CFAP20DC: variants seen among roughly 807,000 people sequenced by gnomAD.
CFAP20DC encodes the protein protein CFAP20DC.
In CFAP20DC, 84 loss-of-function variants were observed where a neutral mutation model predicts 101.7. The ratio of observed to expected loss-of-function variants is 0.83; its 90% CI spans 0.69 to 0.99. CFAP20DC has a LOEUF of 0.99. CFAP20DC is among the 50% of genes least tolerant of loss of function. CFAP20DC has a pLI of 0.00. For missense variants in CFAP20DC, 1,007 were observed against 970.3 expected, an observed-to-expected ratio of 1.04 and a Z score of -0.50; for synonymous variants, 359 against 351.2, an observed-to-expected ratio of 1.02 and a Z score of -0.25.
rs78164332 is a variant in CFAP20DC, at chr3:58,804,951, T to G, written c.2237+1444A>C. Among the ~76,000 whole-genome samples the G allele has an allele frequency of 7.5e-3, 1,146 of 152,288 alleles. 19 individuals are homozygous for G. Among genetic ancestry groups the G allele is most frequent in the African/African-American group, 0.026 (1,085 of 41,562 alleles). ...AAATAACCAGAGCAGGTGTACAGAA[T>G]AGAAACATTTAGAAGAGATTACTAG... On this transcript the variant is annotated intron_variant, in intron 15 of 16. Coordinates refer to ENST00000482387, the MANE Select transcript of CFAP20DC (RefSeq NM_001394063.1).
rs796474903 is a variant in CFAP20DC, at chr3:58,891,321, G to C, written c.551-6612C>G. Among the ~76,000 whole-genome samples the C allele has an allele frequency of 5.4e-3, 815 of 151,938 alleles. 6 individuals are homozygous for C. Among genetic ancestry groups the C allele is most frequent in the South Asian group, 0.018 (85 of 4,810 alleles). ...GGCAGGCACTCTGCAGGCTGAGGCA[G>C]GAGAATCAGGCAGGGAGGTTGCAGT... is the stretch of plus-strand genomic sequence containing the variant. On this transcript the variant is annotated intron_variant, in intron 6 of 16. Transcript: ENST00000482387.
chr3:58,988,963 GT>G (rs1054269337), intron 4 of CFAP20DC, among the ~76,000 whole-genome samples: 1 of 151,874 alleles, frequency 6.6e-6, no homozygotes, highest in African/African-American at 2.4e-5. Context: ...TACATTCTGT[GT>G]TTTTTTAAAA....
In CFAP20DC at chr3:59,007,672, G is replaced by A. The variant is rs945582769; in HGVS notation, c.278+31885C>T. On this transcript the variant is annotated intron_variant, in intron 4 of 16. Coordinates refer to ENST00000482387, the MANE Select transcript of CFAP20DC (RefSeq NM_001394063.1). This position sits in a 1 kb window ranked among gnomAD's most constrained non-coding sequence, Gnocchi z 4.4. ...TGGTATCATGGCTGGGAGACCTGAC[G>A]ACAGATCACATCACAGGACTCTTTG... Among the ~76,000 whole-genome samples, 1 of 152,170 alleles carries A rather than the reference G, an allele frequency of 6.6e-6. No individual in the cohort carries two copies. The highest frequency in any genetic ancestry group is 1.9e-4 in the East Asian group (1 of 5,190).
intron 15 of CFAP20DC, among the ~76,000 whole-genome samples, chr3:58,794,757 C>T (rs1374607897): frequency 6.6e-6 from 1 of 152,090 alleles, no homozygotes; most frequent in Non-Finnish European, 1.5e-5. Context: ...CTGAAGATGC[C>T]CACACACTGC....
chr3:58,890,767 C>T (rs1391760194), intron 6 of CFAP20DC, among the ~76,000 whole-genome samples: 6 of 149,184 alleles, frequency 4.0e-5, no homozygotes, highest in East Asian at 2.0e-4. Flanking sequence ...CGGGCAGAGG[C>T]GCTCCTCACA....
At chr3:58,930,663 C>T (rs574564566) in intron 5 of CFAP20DC, among the ~76,000 whole-genome samples, 1 of 152,308 alleles carries the variant, frequency 6.6e-6, no homozygotes, top group East Asian at 1.9e-4. Context: ...CCAGTTAGAC[C>T]TCAAAATATT....
chr3:58,819,060 G>A (rs1399422237), intron 14 of CFAP20DC, among the ~76,000 whole-genome samples: 8 of 150,350 alleles, frequency 5.3e-5, no homozygotes, highest in African/African-American at 1.7e-4. Context: ...ATAACGAAAT[G>A]AAGGCAGAAA....
chr3:58,812,738 G>C (rs969016616), intron 14 of CFAP20DC, among the ~76,000 whole-genome samples: 1 of 151,196 alleles, frequency 6.6e-6, no homozygotes, highest in African/African-American at 2.4e-5. Flanking sequence ...AGAAAAGAAG[G>C]GTATGGGTTT....
At chr3:58,973,561 C>T (rs2092085931) in intron 4 of CFAP20DC, among the ~76,000 whole-genome samples, 1 of 152,162 alleles carries the variant, frequency 6.6e-6, no homozygotes. Context: ...ATTGGCCTCA[C>T]ACTGCTCTGA....
chr3:58,719,209 C>T (rs960891976), intron 3 of CFAP20DC, among the ~76,000 whole-genome samples: 5 of 152,198 alleles, frequency 3.3e-5, no homozygotes, highest in Admixed American at 2.0e-4. Flanking sequence ...TGCCACTGTA[C>T]TCCAGCCTGG....
At chr3:58,961,034 C>T (rs1443382930) in intron 4 of CFAP20DC, among the ~76,000 whole-genome samples, 1 of 152,202 alleles carries the variant, frequency 6.6e-6, no homozygotes, top group Non-Finnish European at 1.5e-5. Context: ...ACTAACAGGG[C>T]ATACTACGTT....
chr3:58,849,444 C>G (rs2078023254), intron 12 of CFAP20DC, 35 bp from the exon 13 acceptor site: 3 of 1,460,878 alleles, frequency 2.1e-6, no homozygotes, highest in Admixed American at 2.7e-5. Context: ...TAATTTTGAG[C>G]AGAAATTTGT....
chr3:58,741,263 C>T (rs912725316), downstream of CFAP20DC, among the ~76,000 whole-genome samples: 6 of 152,148 alleles, frequency 3.9e-5, 1 homozygote, highest in Admixed American at 6.5e-5. Context: ...GCACACAATT[C>T]GAGGCTGTCT....
At chr3:58,907,872 GC>G (rs1333361503) in intron 6 of CFAP20DC, among the ~76,000 whole-genome samples, 1 of 152,160 alleles carries the variant, frequency 6.6e-6, no homozygotes, top group Non-Finnish European at 1.5e-5. Context: ...ATACACCACA[GC>G]ACCTTGAACC....
intron 6 of CFAP20DC, among the ~76,000 whole-genome samples, chr3:58,905,226 C>T (rs1249384931): frequency 2.0e-5 from 3 of 152,146 alleles, no homozygotes; most frequent in African/African-American, 7.2e-5. Flanking sequence ...ATTTGATCTT[C>T]TCTCTTCTCA....
Position 58,788,325 on chromosome 3 carries a change from T to A in CFAP20DC, c.2237+18070A>T, listed in dbSNP as rs1411002781. Among the ~76,000 whole-genome samples, 1 of 152,030 alleles carries A rather than the reference T, an allele frequency of 6.6e-6. No homozygotes were observed. Among genetic ancestry groups the A allele is most frequent in the African/African-American group, 2.4e-5 (1 of 41,410 alleles). On this transcript the variant is annotated intron_variant, in intron 15 of 16. Transcript: ENST00000482387. This position sits in a 1 kb window ranked among gnomAD's most constrained non-coding sequence, Gnocchi z 4.2. ...TAATGGGCCCCTCAGATGAACAAAT[T>A]AAATTCACATTTAAACCACGGTTAC...
intron 14 of CFAP20DC, among the ~76,000 whole-genome samples, chr3:58,821,144 CAAGATGGATTA>C (rs1430650293): frequency 6.6e-6 from 1 of 151,834 alleles, no homozygotes; most frequent in African/African-American, 2.4e-5. Flanking sequence ...AAAATCAATT[CAAGATGGATTA>C]AAGATTTAAA....
intron 14 of CFAP20DC, among the ~76,000 whole-genome samples, chr3:58,824,912 T>C (rs1226131633): frequency 6.6e-6 from 1 of 151,940 alleles, no homozygotes; most frequent in African/African-American, 2.4e-5. Context: ...CCTCCTGCCT[T>C]AGCCTCCCAA....
chr3:58,786,755 G>A (rs2072378964), intron 15 of CFAP20DC, among the ~76,000 whole-genome samples: 2 of 140,428 alleles, frequency 1.4e-5, no homozygotes, highest in Admixed American at 7.5e-5. Context: ...AGTAAAAACC[G>A]CAAAAGTTCC....
Sources: allele counts gnomAD v4.1 joint callset (sites outside exome capture counted in the v4.1 genomes callset), GRCh38; gene constraint gnomAD v4.1.1; non-coding constraint Gnocchi (gnomAD v3.1); transcripts MANE v1.5; gene names NCBI Gene and HGNC (gene_info 2026-07-23, HGNC 2026-07-21).